Variants in TIAM1 observed in about 807,000 individuals in gnomAD.
TIAM1 encodes the protein TIAM Rac1 associated GEF 1, also known as rho guanine nucleotide exchange factor TIAM1.
TIAM1 carries 65 observed loss-of-function variants against 163.5 expected under a neutral mutation model. That is an observed-to-expected ratio of 0.40 (90% CI 0.33 to 0.49). TIAM1 has a LOEUF of 0.49. TIAM1 is among the 20% of genes least tolerant of loss of function. The probability of loss-of-function intolerance (pLI) is 0.77; values close to 1 mark genes in which losing one functional copy is unlikely to be tolerated. For missense variants in TIAM1, 1,789 were observed against 2,044.7 expected (o/e 0.87, Z 2.41); for synonymous variants, 833 against 810.1 (o/e 1.03, Z -0.48).
intron 6 of TIAM1, among the ~76,000 whole-genome samples, chr21:31,226,952 G>GTTTT (rs35401090): frequency 2.1e-4 from 24 of 112,590 alleles, no homozygotes; most frequent in Non-Finnish European, 3.0e-4. Flanking sequence ...AAAATTCTGT[G>GTTTT]TTTTTTTTTT....
In TIAM1 at chr21:31,124,601, G is replaced by C. The variant is rs1348499058; in HGVS notation, c.4227C>G (p.Pro1409=). ...RRQLLKTESL[P]SSQQYVPFGG... is the part of the protein sequence containing the mutation. The stretch of plus-strand genomic sequence containing the variant: ...CAAAAGGGACATATTGCTGGGATGA[G>C]GGAAGGCTCTCGGTTTTGAGGAGCT... Residue 1409 remains proline, a synonymous_variant, in exon 27 of 28, where the codon CCC becomes CCG. Coordinates refer to ENST00000541036, the MANE Select transcript of TIAM1 (RefSeq NM_001353694.2). The C allele has an allele frequency of 6.2e-7, 1 of 1,613,978 alleles. No individual in the cohort carries two copies. Among genetic ancestry groups the C allele is most frequent in the Non-Finnish European group, 8.5e-7 (1 of 1,179,938 alleles).
chr21:31,360,112 T>C (rs1215818630), intron 2 of TIAM1, among the ~76,000 whole-genome samples: 3 of 152,152 alleles, frequency 2.0e-5, no homozygotes, highest in Admixed American at 1.3e-4. Context: ...GATGAGCTAT[T>C]GTACTAAGAA....
chr21:31,275,370 A>G (rs1302405287), intron 3 of TIAM1, among the ~76,000 whole-genome samples: 2 of 152,046 alleles, frequency 1.3e-5, no homozygotes, highest in Admixed American at 6.5e-5. Flanking sequence ...ATTTTTTTTT[A>G]CAGTTGAAGA....
At chr21:31,350,397 C>A (rs2076215699) in intron 2 of TIAM1, among the ~76,000 whole-genome samples, 1 of 152,044 alleles carries the variant, frequency 6.6e-6, no homozygotes, top group Admixed American at 6.5e-5. Context: ...ATGACGCTGG[C>A]TAAGAAGGTG....
At chr21:31,350,852 G>A (rs1003396922) in intron 2 of TIAM1, among the ~76,000 whole-genome samples, 1 of 152,204 alleles carries the variant, frequency 6.6e-6, no homozygotes, top group Non-Finnish European at 1.5e-5. Context: ...TCTAGCACAG[G>A]GGTAGGATGG....
chr21:31,165,158 T>C (rs1568951828), intron 15 of TIAM1, 93 bp from the exon 16 acceptor site: 2 of 1,107,928 alleles, frequency 1.8e-6, no homozygotes, highest in South Asian at 2.6e-5. Context: ...ATCTCGCTCA[T>C]GACATGTACA....
At chr21:31,521,187 C>T (rs1200979947) in intron 1 of TIAM1, among the ~76,000 whole-genome samples, 1 of 152,184 alleles carries the variant, frequency 6.6e-6, no homozygotes, top group African/African-American at 2.4e-5. Context: ...AACCCTCATC[C>T]TAAAACTCTT....
At chr21:31,427,608 G>C (rs2043842005) in intron 2 of TIAM1, among the ~76,000 whole-genome samples, 1 of 151,756 alleles carries the variant, frequency 6.6e-6, no homozygotes, top group Non-Finnish European at 1.5e-5. Flanking sequence ...AGGAGGCCGA[G>C]GTCAGGAGTT....
chr21:31,335,020 G>A (rs549906672), intron 2 of TIAM1, among the ~76,000 whole-genome samples: 3 of 152,232 alleles, frequency 2.0e-5, no homozygotes, highest in South Asian at 2.1e-4. Flanking sequence ...ATGTTTACGC[G>A]ACATGGGCAG....
chr21:31,200,741 C>T (rs1444771994), intron 12 of TIAM1, among the ~76,000 whole-genome samples: 5 of 152,108 alleles, frequency 3.3e-5, no homozygotes, highest in Admixed American at 6.5e-5. Flanking sequence ...TTCTATTTTA[C>T]GCGATTGAAA....
intron 2 of TIAM1, among the ~76,000 whole-genome samples, chr21:31,408,866 T>C (rs1259237900): frequency 1.3e-5 from 2 of 152,098 alleles, no homozygotes; most frequent in Non-Finnish European, 1.5e-5. Flanking sequence ...ACCTGAGACC[T>C]AATAAATCGG....
intron 4 of TIAM1, among the ~76,000 whole-genome samples, chr21:31,259,369 T>C (rs1010489311): frequency 6.6e-6 from 1 of 151,840 alleles, no homozygotes; most frequent in Admixed American, 6.6e-5. Context: ...ACTCCTGAGC[T>C]CAAGCGATCC....
At chr21:31,124,826 T>C (rs1601169131) in intron 26 of TIAM1, 132 bp from the exon 27 acceptor site, 9 of 694,828 alleles carry the variant, frequency 1.3e-5, no homozygotes, top group African/African-American at 1.3e-4. Context: ...GACTCCAATT[T>C]CTATGCTGAG....
intron 22 of TIAM1, among the ~76,000 whole-genome samples, chr21:31,137,286 T>C (rs561204531): frequency 3.9e-5 from 6 of 152,362 alleles, no homozygotes; most frequent in South Asian, 2.1e-4. Flanking sequence ...TACAGAGGTA[T>C]TGTTGCCTCC....
chr21:31,388,514 C>T (rs1173728546), intron 2 of TIAM1, among the ~76,000 whole-genome samples: 1 of 132,920 alleles, frequency 7.5e-6, no homozygotes, highest in Non-Finnish European at 1.7e-5. Flanking sequence ...AAAATAAAGC[C>T]AAGCATGGTG....
At chr21:31,150,438 C>A (rs1218361873) in intron 19 of TIAM1, among the ~76,000 whole-genome samples, 1 of 152,094 alleles carries the variant, frequency 6.6e-6, no homozygotes, top group East Asian at 1.9e-4. Flanking sequence ...ATGAACAGCT[C>A]ATTCTTAACA....
At chr21:31,136,070 C>G (rs1568892697) in intron 22 of TIAM1, 29 bp from the exon 23 acceptor site, 1 of 1,585,184 alleles carries the variant, frequency 6.3e-7, no homozygotes, top group Non-Finnish European at 8.7e-7. Flanking sequence ...ACAAAGCTTA[C>G]TGGGTGGTGT....
chr21:31,144,768 G>A (rs895250647), intron 20 of TIAM1, among the ~76,000 whole-genome samples: 3 of 142,952 alleles, frequency 2.1e-5, no homozygotes, highest in Non-Finnish European at 4.5e-5. Context: ...GGCAGAGGTT[G>A]CAGTGAGCCG....
At chr21:31,513,854 A>G (rs910511263) in intron 1 of TIAM1, among the ~76,000 whole-genome samples, 3 of 152,072 alleles carry the variant, frequency 2.0e-5, no homozygotes, top group Non-Finnish European at 2.9e-5. Context: ...CTAAAAATAC[A>G]AAATTAGCCG....
Sources: allele counts gnomAD v4.1 joint callset (sites outside exome capture counted in the v4.1 genomes callset), GRCh38; gene constraint gnomAD v4.1.1; transcripts MANE v1.5; gene names NCBI Gene and HGNC (gene_info 2026-07-23, HGNC 2026-07-21).